TTLL11: variants seen among roughly 807,000 people sequenced by gnomAD.
TTLL11 encodes tubulin tyrosine ligase like 11, also known as tubulin polyglutamylase TTLL11.
Under a neutral mutation model 51.7 loss-of-function variants are expected in TTLL11, and 42 were observed. The observed-to-expected ratio is 0.81, with a 90% CI of 0.64 to 1.05. TTLL11 has a LOEUF of 1.05. Ranked by LOEUF, TTLL11 falls within the 50% of genes least tolerant of loss-of-function variation. The probability of loss-of-function intolerance (pLI) is 0.00; values close to 1 mark genes in which losing one functional copy is unlikely to be tolerated. For missense variants in TTLL11, 799 were observed against 940.4 expected (o/e 0.85, Z 1.97); for synonymous variants, 381 against 383.5 (o/e 0.99, Z 0.08).
In TTLL11 at chr9:121,989,786, A is replaced by G; in HGVS notation, c.694-16T>C. On this transcript the variant is annotated splice_polypyrimidine_tract_variant and intron_variant, in intron 3 of 8. Coordinates refer to ENST00000321582, the MANE Select transcript of TTLL11 (RefSeq NM_001139442.2). This position sits in a 1 kb window ranked among gnomAD's most constrained non-coding sequence, Gnocchi z 4.2. ...CCATTTGAACCTGGAGGGGGAAAAAAGGATGGCCGACATTATATTGTTTTC... is the reference window on the plus strand; with the variant it reads ...CCATTTGAACCTGGAGGGGGAAAAAGGGATGGCCGACATTATATTGTTTTC... The G allele has an allele frequency of 1.1e-5, 17 of 1,573,026 alleles. No individual in the cohort carries two copies. The highest frequency in any genetic ancestry group is 1.3e-5 in the Non-Finnish European group (15 of 1,159,618).
intron 1 of TTLL11, among the ~76,000 whole-genome samples, chr9:122,052,129 T>G (rs758985753): frequency 6.6e-6 from 1 of 152,156 alleles, no homozygotes; most frequent in Non-Finnish European, 1.5e-5. Context: ...CAGTTCTATC[T>G]GCCAAATGTG....
intron 8 of TTLL11, among the ~76,000 whole-genome samples, chr9:121,830,923 A>G (rs1408608346): frequency 6.6e-6 from 1 of 152,234 alleles, no homozygotes; most frequent in Non-Finnish European, 1.5e-5. Context: ...GTAGGGGCAC[A>G]TGTGAGAACA....
chr9:121,863,676 A>G (rs527420287), intron 7 of TTLL11, among the ~76,000 whole-genome samples: 14 of 152,366 alleles, frequency 9.2e-5, no homozygotes, highest in Admixed American at 9.1e-4. Context: ...ATGCCTTAAA[A>G]GAATCTTGAT....
chr9:121,990,900 T>C (rs530555752), intron 3 of TTLL11, among the ~76,000 whole-genome samples: 2 of 152,168 alleles, frequency 1.3e-5, no homozygotes, highest in Non-Finnish European at 2.9e-5. Flanking sequence ...GTCTGCATAA[T>C]TCATCCTCGC....
At chr9:121,839,392 T>C (rs1053112984) in intron 8 of TTLL11, among the ~76,000 whole-genome samples, 1 of 152,150 alleles carries the variant, frequency 6.6e-6, no homozygotes, top group Non-Finnish European at 1.5e-5. Context: ...TAAGTTCAAA[T>C]CCAGGGTTGG....
intron 1 of TTLL11, among the ~76,000 whole-genome samples, chr9:122,055,504 T>G (rs1845270843): frequency 6.6e-6 from 1 of 152,108 alleles, no homozygotes; most frequent in South Asian, 2.1e-4. Context: ...AGATTAAGGG[T>G]GGGTCTGCCC....
intron 4 of TTLL11, among the ~76,000 whole-genome samples, chr9:121,977,498 CT>C (rs1486827890): frequency 6.6e-6 from 1 of 152,068 alleles, no homozygotes; most frequent in Non-Finnish European, 1.5e-5. Context: ...CATTAGTGTG[CT>C]TTGTAGTCAA....
At chr9:122,083,256 T>A (rs1012707648) in intron 1 of TTLL11, among the ~76,000 whole-genome samples, 1 of 152,054 alleles carries the variant, frequency 6.6e-6, no homozygotes, top group African/African-American at 2.4e-5. Context: ...ATGCATCACT[T>A]CTGGGTAGAC....
chr9:121,940,778 G>A (rs1318202888), intron 6 of TTLL11, among the ~76,000 whole-genome samples: 1 of 152,154 alleles, frequency 6.6e-6, no homozygotes, highest in Non-Finnish European at 1.5e-5. Context: ...AGGCTCCATA[G>A]GACATTTGCT....
intron 6 of TTLL11, among the ~76,000 whole-genome samples, chr9:121,933,693 A>C (rs1424511626): frequency 1.3e-5 from 2 of 151,784 alleles, no homozygotes; most frequent in Non-Finnish European, 2.9e-5. Flanking sequence ...AACAACAAAA[A>C]AAGTTAAAAA....
At chr9:121,834,992 G>A (rs1291605804) in intron 8 of TTLL11, among the ~76,000 whole-genome samples, 1 of 152,104 alleles carries the variant, frequency 6.6e-6, no homozygotes, top group Non-Finnish European at 1.5e-5. Flanking sequence ...AGTTTCATGA[G>A]GCCAGGAATC....
chr9:121,869,872 G>C (rs998346822), intron 7 of TTLL11, among the ~76,000 whole-genome samples: 134 of 152,272 alleles, frequency 8.8e-4, no homozygotes, highest in Middle Eastern at 3.4e-3. Context: ...TGCCCCCACA[G>C]GGTAGAGGGA....
chr9:122,084,522 C>T (rs1433212726), intron 1 of TTLL11, among the ~76,000 whole-genome samples: 3 of 152,254 alleles, frequency 2.0e-5, no homozygotes, highest in Middle Eastern at 3.4e-3. Flanking sequence ...ATCTCAGGGA[C>T]GTGACTCGGC....
chr9:121,957,140 A>C (rs1260528341), intron 6 of TTLL11, among the ~76,000 whole-genome samples: 1 of 151,514 alleles, frequency 6.6e-6, no homozygotes, highest in African/African-American at 2.4e-5. Flanking sequence ...ACTCTCTCCC[A>C]CCCCAACCCC....
At chr9:121,996,513 C>A (rs957065603) in intron 3 of TTLL11, among the ~76,000 whole-genome samples, 1 of 152,152 alleles carries the variant, frequency 6.6e-6, no homozygotes, top group Non-Finnish European at 1.5e-5. Flanking sequence ...CATGCGAGCA[C>A]ATGCACACAC....
intron 7 of TTLL11, among the ~76,000 whole-genome samples, chr9:121,860,824 G>A (rs185143735): frequency 2.4e-4 from 37 of 152,338 alleles, no homozygotes; most frequent in Admixed American, 2.2e-3. Flanking sequence ...AATGTTTGTT[G>A]TTTAAGCCAC....
chr9:121,968,004 G>A (rs1398916500), intron 6 of TTLL11, among the ~76,000 whole-genome samples: 1 of 152,234 alleles, frequency 6.6e-6, no homozygotes, highest in African/African-American at 2.4e-5. Flanking sequence ...GGGGAATGGA[G>A]AGTGATTGCT....
At chr9:121,826,321 T>C (rs1403991259) in intron 8 of TTLL11, among the ~76,000 whole-genome samples, 1 of 71,174 alleles carries the variant, frequency 1.4e-5, no homozygotes, top group Non-Finnish European at 3.3e-5. Context: ...GGTTTATATA[T>C]ATATATGGGT....
At chr9:122,048,915 A>G (rs1456807960) in intron 1 of TTLL11, among the ~76,000 whole-genome samples, 3 of 151,960 alleles carry the variant, frequency 2.0e-5, no homozygotes, top group Non-Finnish European at 4.4e-5. Context: ...AGAGCCCATG[A>G]TCATCAGTGT....
Sources: gnomAD v4.1 joint callset for allele counts (sites outside exome capture counted in the v4.1 genomes callset) on GRCh38, gnomAD v4.1.1 for gene constraint, Gnocchi (gnomAD v3.1) non-coding constraint, MANE v1.5 for transcripts, NCBI Gene and HGNC (gene_info 2026-07-23, HGNC 2026-07-21) for gene names.